PTPN3: variants seen among roughly 807,000 people sequenced by gnomAD.
PTPN3 encodes protein tyrosine phosphatase non-receptor type 3, also known as tyrosine-protein phosphatase non-receptor type 3.
PTPN3 carries 96 observed loss-of-function variants against 132.7 expected under a neutral mutation model. The observed-to-expected ratio is 0.72, with a 90% confidence interval of 0.61 to 0.86. The LOEUF (loss-of-function observed/expected upper bound fraction) is 0.86, where lower values mean the gene tolerates loss of function less well. PTPN3 is among the 40% of genes least tolerant of loss of function. The probability of loss-of-function intolerance (pLI) is 0.00; values close to 1 mark genes in which losing one functional copy is unlikely to be tolerated. For missense variants in PTPN3, 1,125 were observed against 1,159.6 expected, an observed-to-expected ratio of 0.97 and a Z score of 0.43; for synonymous variants, 398 against 429.0, an observed-to-expected ratio of 0.93 and a Z score of 0.89.
chr9:109,449,095 C>T (rs1405853118), intron 5 of PTPN3: 3 of 1,349,766 alleles, frequency 2.2e-6, no homozygotes, highest in African/African-American at 1.5e-5. Context: ...CCAGCACAGG[C>T]TGTCCTATGA....
At chr9:109,410,556 A>G (rs1842003792) in intron 14 of PTPN3, 141 bp from the exon 15 acceptor site, 1 of 938,052 alleles carries the variant, frequency 1.1e-6, no homozygotes, top group Admixed American at 2.6e-5. Flanking sequence ...GCGGGATTTG[A>G]GTACACCCAG....
the PTPN3 span, among the ~76,000 whole-genome samples, chr9:109,537,818 T>G: frequency 1.3e-5 from 2 of 152,344 alleles, no homozygotes; most frequent in East Asian, 3.9e-4. Context: ...AAATCTTCTA[T>G]TTGTTCAGGT....
At chr9:109,434,385 T>C (rs1182946562) in intron 9 of PTPN3, among the ~76,000 whole-genome samples, 2 of 146,908 alleles carry the variant, frequency 1.4e-5, no homozygotes, top group Non-Finnish European at 3.0e-5. Context: ...CGTGGCTCAC[T>C]GCAGCCTCAA....
At chr9:109,471,530 A>T (rs1415645898) in intron 1 of PTPN3, among the ~76,000 whole-genome samples, 2 of 152,182 alleles carry the variant, frequency 1.3e-5, no homozygotes, top group South Asian at 4.1e-4. Flanking sequence ...ACACTGAAGA[A>T]ATTTAACTGA....
Position 109,454,593 on chromosome 9 carries a change from A to G in PTPN3, c.290-19T>C, listed in dbSNP as rs1845464894. The G allele has an allele frequency of 1.3e-6, 2 of 1,596,562 alleles. No individual in the cohort carries two copies. The highest frequency in any genetic ancestry group is 1.7e-5 in the Admixed American group (1 of 59,468). On this transcript the variant is annotated intron_variant, in intron 4 of 25. Transcript: ENST00000374541. ...AAACCTCCTACAACATTTTTCAAAA[A>G]CAAATTAAATTTTCCCTTTGACAAA...
chr9:109,443,075 ATTTT>A (rs34673663), intron 7 of PTPN3, among the ~76,000 whole-genome samples: 1 of 137,440 alleles, frequency 7.3e-6, no homozygotes. Flanking sequence ...GAGACATCAG[ATTTT>A]TTTTTTTTTT....
Position 109,410,224 on chromosome 9 carries a change from C to A in PTPN3, c.1500+5G>T, listed in dbSNP as rs768102309. The A allele has an allele frequency of 6.2e-7, 1 of 1,612,814 alleles. No individual in the cohort carries two copies. Among genetic ancestry groups the A allele is most frequent in the Non-Finnish European group, 8.5e-7 (1 of 1,179,016 alleles). ...TGGATCACCCGGCTGCCTGCGCTCGCTCACCTTGTCACAGTAGTACTGGCT... is the reference window on the plus strand; with the variant it reads ...TGGATCACCCGGCTGCCTGCGCTCGATCACCTTGTCACAGTAGTACTGGCT... On this transcript the variant is annotated splice_donor_5th_base_variant and intron_variant, in intron 15 of 25. Coordinates refer to ENST00000374541, the MANE Select transcript of PTPN3 (RefSeq NM_002829.4).
chr9:109,533,370 T>A, the PTPN3 span: 120 of 641,362 alleles, frequency 1.9e-4, no homozygotes, highest in African/African-American at 1.9e-3. Context: ...GGTCTCGAAT[T>A]CCTGACCCCA....
chr9:109,500,534 G>T (rs1347466655), upstream of PTPN3, among the ~76,000 whole-genome samples: 4 of 151,334 alleles, frequency 2.6e-5, no homozygotes, highest in Non-Finnish European at 5.9e-5. Flanking sequence ...GATTAATTAG[G>T]TTATGGTATA....
intron 22 of PTPN3, among the ~76,000 whole-genome samples, chr9:109,387,166 G>A (rs1470968518): frequency 6.6e-6 from 1 of 152,162 alleles, no homozygotes; most frequent in Non-Finnish European, 1.5e-5. Context: ...CCTTGTATGT[G>A]AGGACACTCA....
At chr9:109,417,655 G>T in intron 14 of PTPN3, 1 of 985,176 alleles carries the variant, frequency 1.0e-6, no homozygotes, top group Non-Finnish European at 1.2e-6. Context: ...GCACAAAGTG[G>T]CTTCCCACCG....
rs1472357002 is a variant in PTPN3, at chr9:109,433,257, T to C, written c.676-96A>G. 5.3e-6 allele frequency: 8 copies of C among 1,505,004 alleles called. No individual in the cohort carries two copies. In the South Asian group the frequency reaches 8.1e-5, roughly 15 times the overall value. 93.2% of individuals were successfully genotyped at this position (1,505,004 alleles called of 1,614,324 possible). ...ACCCACGCTGTTATAAATAGTCATA[T>C]GTATAGGCTCCAAATGGGAAAATGC... On this transcript the variant is annotated intron_variant, in intron 9 of 25. Transcript: ENST00000374541.
In PTPN3 at chr9:109,395,822, A is replaced by C. The variant is rs574736590; in HGVS notation, c.1954-4261T>G. On this transcript the variant is annotated intron_variant, in intron 19 of 25. Coordinates refer to ENST00000374541, the MANE Select transcript of PTPN3 (RefSeq NM_002829.4). Reference sequence around the variant, plus strand: ...TCTGTGTGTGTGTCTCTCTCTCTCTATATATATGTATATATTTTTTTTCAA... The same window carrying C: ...TCTGTGTGTGTGTCTCTCTCTCTCTCTATATATGTATATATTTTTTTTCAA... Among the ~76,000 whole-genome samples, 301 of 139,680 alleles carry C rather than the reference A, an allele frequency of 2.2e-3. 3 individuals carry two copies. The South Asian group carries it at 0.027, about 12-fold the overall frequency. 91.6% of individuals were successfully genotyped at this position (139,680 alleles called of 152,430 possible).
At chr9:109,474,042 T>C (rs542383037) in intron 1 of PTPN3, among the ~76,000 whole-genome samples, 56 of 152,188 alleles carry the variant, frequency 3.7e-4, no homozygotes, top group African/African-American at 1.2e-3. Flanking sequence ...CTTGGGTGGG[T>C]TGCAAAGAAA....
the PTPN3 span, among the ~76,000 whole-genome samples, chr9:109,528,749 CTG>C: frequency 2.6e-5 from 4 of 152,006 alleles, no homozygotes; most frequent in Admixed American, 2.0e-4. Context: ...ATTCAAATCT[CTG>C]TGTGTGTGTA....
chr9:109,498,186 C>T lies in PTPN3; in HGVS notation c.-18+33G>A, dbSNP rs1847771165. ...CGGCCCCCGGCAGCCCCGCACCCTG[C>T]CCCCGGCCCGCTGGGGTCGCACGGG... On this transcript the variant is annotated intron_variant, in intron 1 of 25. Transcript: ENST00000374541. The surrounding 1 kb of genome is among the most constrained non-coding windows in gnomAD (Gnocchi z 4.2). 1 of 146,508 alleles carries T rather than the reference C, an allele frequency of 6.8e-6. No homozygotes were observed. Among genetic ancestry groups the T allele is most frequent in the Non-Finnish European group, 1.5e-5 (1 of 65,834 alleles). The allele number at this position is 146,508 out of a possible 1,614,324, so 9.1% of individuals were successfully genotyped here.
rs1208073663 is a variant in PTPN3, at chr9:109,415,013, T to A, written c.1314-4598A>T. Reference sequence around the variant, plus strand: ...TATCTCGGGGCCCCATCTAGTTTCATCTAACCATTTGTCCGTCTGTCCGTC... The same window carrying A: ...TATCTCGGGGCCCCATCTAGTTTCAACTAACCATTTGTCCGTCTGTCCGTC... On this transcript the variant is annotated intron_variant, in intron 14 of 25. Coordinates refer to ENST00000374541, the MANE Select transcript of PTPN3 (RefSeq NM_002829.4). Among the ~76,000 whole-genome samples the A allele has an allele frequency of 2.0e-5, 3 of 152,116 alleles. No individual in the cohort carries two copies. In the South Asian group the frequency reaches 6.2e-4, roughly 32 times the overall value.
intron 7 of PTPN3, among the ~76,000 whole-genome samples, chr9:109,441,963 T>TA (rs1451915534): frequency 6.6e-6 from 1 of 152,204 alleles, no homozygotes; most frequent in African/African-American, 2.4e-5. Context: ...AGTGAGGACT[T>TA]ATATCAGATG....
intron 7 of PTPN3, among the ~76,000 whole-genome samples, chr9:109,443,728 GC>G (rs1844654026): frequency 6.6e-6 from 1 of 152,154 alleles, no homozygotes; most frequent in Non-Finnish European, 1.5e-5. Flanking sequence ...ATGTGAAATG[GC>G]CGGGCCTGTC....
Sources: gnomAD v4.1 joint callset for allele counts (sites outside exome capture counted in the v4.1 genomes callset) on GRCh38, gnomAD v4.1.1 for gene constraint, Gnocchi (gnomAD v3.1) non-coding constraint, MANE v1.5 for transcripts, NCBI Gene and HGNC (gene_info 2026-07-23, HGNC 2026-07-21) for gene names.